Variants in ZKSCAN5 observed in about 807,000 individuals in gnomAD.
The protein encoded by ZKSCAN5 is zinc finger protein with KRAB and SCAN domains 5.
Under a neutral mutation model 60.0 loss-of-function variants are expected in ZKSCAN5, and 28 were observed. The observed-to-expected ratio is 0.47, with a 90% confidence interval of 0.35 to 0.64. The LOEUF (loss-of-function observed/expected upper bound fraction) is 0.64. Ranked by LOEUF, ZKSCAN5 falls within the 30% of genes least tolerant of loss-of-function variation. The probability of loss-of-function intolerance (pLI) is 0.01; values close to 1 mark genes in which losing one functional copy is unlikely to be tolerated. For missense variants in ZKSCAN5, 881 were observed against 1,034.6 expected (o/e 0.85, Z 2.04); for synonymous variants, 361 against 371.2 (o/e 0.97, Z 0.31).
chr7:99,532,061 T>C lies in ZKSCAN5; in HGVS notation c.2332T>C (p.Cys778Arg). 4.3e-6 allele frequency: 7 copies of C among 1,614,230 alleles called. No homozygotes were observed. Among genetic ancestry groups the C allele is most frequent in the Non-Finnish European group, 5.9e-6 (7 of 1,180,038 alleles). Residue 778 changes from cysteine to arginine, a missense_variant, in exon 7 of 7, where the codon TGT (cysteine) becomes CGT (arginine). Coordinates refer to ENST00000326775, the MANE Select transcript of ZKSCAN5 (RefSeq NM_145102.4). ...SSTKSHQCHECGRGFTLKSHL... is the reference protein window; with the variant it reads ...SSTKSHQCHERGRGFTLKSHL... ...CACAAAATCCCATCAATGTCATGAA[T>C]GTGGCAGAGGCTTCACTCTGAAGTC...
At position 99,521,211 on chromosome 7, in the gene ZKSCAN5, T is replaced by G. The variant is rs1176262402; in HGVS notation, c.772+907T>G. ...AATATATTTATTTTATTATTTTATT[T>G]TTTTGAGATGGAGTCTCACTCTGTC... is the stretch of plus-strand genomic sequence containing the variant. On this transcript the variant is annotated intron_variant, in intron 5 of 6. Transcript: ENST00000326775. Among the ~76,000 whole-genome samples the G allele has an allele frequency of 2.0e-5, 3 of 152,202 alleles. No individual in the cohort carries two copies. The South Asian group carries it at 6.2e-4, about 31-fold the overall frequency.
At chr7:99,518,478 A>T (rs531695060) in intron 3 of ZKSCAN5, among the ~76,000 whole-genome samples, 9 of 152,030 alleles carry the variant, frequency 5.9e-5, no homozygotes, top group African/African-American at 2.2e-4. Flanking sequence ...GCAAACTCTC[A>T]GGCCTCACCC....
chr7:99,522,478 C>CTT (rs757882299), intron 5 of ZKSCAN5, among the ~76,000 whole-genome samples: 5 of 143,014 alleles, frequency 3.5e-5, no homozygotes, highest in Non-Finnish European at 4.6e-5. Flanking sequence ...TTTGTTTCCC[C>CTT]TTTTTTTTTT....
chr7:99,516,486 A>G (rs1406522650), intron 3 of ZKSCAN5, among the ~76,000 whole-genome samples: 2 of 151,912 alleles, frequency 1.3e-5, no homozygotes, highest in African/African-American at 4.8e-5. Flanking sequence ...TAGTCATTGG[A>G]AATCAGCAAG....
rs6974831 is a variant in ZKSCAN5 at position 99,533,982 on chromosome 7, A to G, written c.*1733A>G. 0.077 allele frequency: 14,559 copies of G among 190,122 alleles called. 921 individuals carry two copies. Among genetic ancestry groups the G allele is most frequent in the African/African-American group, 0.19 (8,126 of 42,940 alleles). 11.8% of individuals were successfully genotyped at this position (190,122 alleles called of 1,614,324 possible). On this transcript the variant is annotated 3_prime_UTR_variant, in exon 7 of 7. Transcript: ENST00000326775. ...CCGCATCACTGTTAATAGTCCTGGCATGTGGTACCTGTCCAGTCACTAAGT... is the reference window on the plus strand; with the variant it reads ...CCGCATCACTGTTAATAGTCCTGGCGTGTGGTACCTGTCCAGTCACTAAGT...
rs530121349 is a variant in ZKSCAN5, at chr7:99,525,885, C to T, written c.845C>T (p.Ala282Val). The change falls in exon 6 of 7, where the codon GCG becomes GTG. Residue 282 changes from alanine to valine, a missense_variant. Around this residue, in one of 5 missense-constraint regions of ZKSCAN5, gnomAD observed 490 missense variants for 554.5 expected, o/e 0.88. Coordinates refer to ENST00000326775, the MANE Select transcript of ZKSCAN5 (RefSeq NM_145102.4). ...ISDDSESHWVAPEHTERSVPQ... is the reference protein window; with the variant it reads ...ISDDSESHWVVPEHTERSVPQ... ...GATGACTCTGAATCACACTGGGTGG[C>T]GCCAGAACACACCGAAAGGAGCGTT... 19 of 1,613,858 alleles carry T rather than the reference C, an allele frequency of 1.2e-5. No individual in the cohort carries two copies. In the Admixed American group the frequency reaches 1.8e-4, roughly 16 times the overall value.
At position 99,534,153 on chromosome 7, in the gene ZKSCAN5, C is replaced by T. The variant is rs1802162472; in HGVS notation, c.*1904C>T. ...TGAATCCTTGAAGAGAAGAAAATGA[C>T]AGGGCAAATAACCACCAATTTAATG... On this transcript the variant is annotated 3_prime_UTR_variant, in exon 7 of 7. Transcript: ENST00000326775. 1 of 152,350 alleles carries T rather than the reference C, an allele frequency of 6.6e-6. No homozygotes were observed. The highest frequency in any genetic ancestry group is 2.4e-5 in the African/African-American group (1 of 41,476). The allele number at this position is 152,350 out of a possible 1,614,324, so 9.4% of individuals were successfully genotyped here. A position where few individuals can be genotyped will look rare whatever the true frequency, so the allele number is the denominator to read the frequency against.
chr7:99,530,242 C>T (rs1273187055), intron 6 of ZKSCAN5, among the ~76,000 whole-genome samples: 2 of 151,736 alleles, frequency 1.3e-5, no homozygotes, highest in Non-Finnish European at 2.9e-5. Flanking sequence ...ACCATGTTGG[C>T]CAGGCTGGTT....
intron 6 of ZKSCAN5, among the ~76,000 whole-genome samples, chr7:99,528,425 C>T (rs1287553346): frequency 9.9e-5 from 15 of 151,678 alleles, no homozygotes; most frequent in Non-Finnish European, 2.2e-4. Flanking sequence ...TTTTGTGGGG[C>T]GGGGGCGTTT....
intron 2 of ZKSCAN5, among the ~76,000 whole-genome samples, chr7:99,511,186 C>T (rs919630001): frequency 1.3e-5 from 2 of 152,176 alleles, no homozygotes; most frequent in Non-Finnish European, 2.9e-5. Context: ...TGAGCTAGTA[C>T]CTTCCAGAAT....
intron 3 of ZKSCAN5, among the ~76,000 whole-genome samples, chr7:99,517,974 A>G (rs1245535718): frequency 6.6e-6 from 1 of 152,212 alleles, no homozygotes; most frequent in Non-Finnish European, 1.5e-5. Flanking sequence ...TGTTTTGTCT[A>G]TTCCTGAGAT....
At chr7:99,521,074 C>G (rs1240768471) in intron 5 of ZKSCAN5, among the ~76,000 whole-genome samples, 1 of 152,138 alleles carries the variant, frequency 6.6e-6, no homozygotes, top group South Asian at 2.1e-4. Flanking sequence ...CTCAGCACTC[C>G]TGCAAACATT....
At chr7:99,506,496 G>C in intron 2 of ZKSCAN5, 38 bp downstream of exon 2, 7 of 1,549,694 alleles carry the variant, frequency 4.5e-6, no homozygotes, top group Admixed American at 1.9e-5. Context: ...ATGAAGGAGA[G>C]GAGTGAACCA....
intron 2 of ZKSCAN5, among the ~76,000 whole-genome samples, chr7:99,506,944 C>T (rs930604168): frequency 2.0e-5 from 3 of 151,796 alleles, no homozygotes; most frequent in Non-Finnish European, 2.9e-5. Context: ...GATCCTCCCA[C>T]CTCGGCTTCC....
intron 5 of ZKSCAN5, among the ~76,000 whole-genome samples, chr7:99,524,934 C>T (rs1429682154): frequency 3.4e-5 from 5 of 148,918 alleles, no homozygotes; most frequent in South Asian, 2.2e-4. Context: ...TTTGGGAGGC[C>T]GAGGCGGGCA....
intron 3 of ZKSCAN5, among the ~76,000 whole-genome samples, chr7:99,517,646 A>G (rs527980136): frequency 2.8e-4 from 42 of 152,198 alleles, no homozygotes; most frequent in African/African-American, 9.6e-4. Context: ...GTATCACTAC[A>G]CTTCAGCCTG....
chr7:99,519,452 A>G (rs11766423), intron 3 of ZKSCAN5, among the ~76,000 whole-genome samples: 18,366 of 151,698 alleles, frequency 0.12, 1,402 homozygotes, highest in African/African-American at 0.21. Context: ...TGATTTTTGT[A>G]TTTTTAGTAG....
At chr7:99,528,579 A>G (rs1035927528) in intron 6 of ZKSCAN5, among the ~76,000 whole-genome samples, 2 of 152,052 alleles carry the variant, frequency 1.3e-5, no homozygotes, top group Non-Finnish European at 1.5e-5. Flanking sequence ...AGTGTTCACC[A>G]CCACACCCAG....
rs753579602 is a variant in ZKSCAN5 at position 99,532,147 on chromosome 7, T to C, written c.2418T>C (p.Cys806=). The change falls in exon 7 of 7, where the codon TGT becomes TGC. Residue 806 remains cysteine (C), a synonymous_variant. Coordinates refer to ENST00000326775, the MANE Select transcript of ZKSCAN5 (RefSeq NM_145102.4). ...TGEKPFQCKE[C]GMNFSWSCSL... is the part of the protein sequence containing the mutation. ...AGAAACCTTTTCAATGTAAAGAATGTGGAATGAATTTCAGCTGGAGTTGTA... is the reference window on the plus strand; with the variant it reads ...AGAAACCTTTTCAATGTAAAGAATGCGGAATGAATTTCAGCTGGAGTTGTA... The C allele has an allele frequency of 8.1e-6, 13 of 1,613,734 alleles. No individual in the cohort carries two copies. In the Middle Eastern group the frequency reaches 8.2e-4, roughly 102 times the overall value.
Sources: allele counts gnomAD v4.1 joint callset (sites outside exome capture counted in the v4.1 genomes callset), GRCh38; gene constraint gnomAD v4.1.1; regional missense constraint gnomAD v4.1.1; transcripts MANE v1.5; gene names NCBI Gene and HGNC (gene_info 2026-07-23, HGNC 2026-07-21).